CFAP53: variants seen among roughly 807,000 people sequenced by gnomAD.
CFAP53 encodes the protein cilia and flagella associated protein 53, also known as cilia- and flagella-associated protein 53.
In CFAP53, 62 loss-of-function variants were observed where a neutral mutation model predicts 59.7. The ratio of observed to expected loss-of-function variants is 1.04; its 90% CI spans 0.85 to 1.28. The LOEUF (loss-of-function observed/expected upper bound fraction) is 1.28, where lower values mean the gene tolerates loss of function less well. Among genes scored for constraint, CFAP53 ranks in the 50% most tolerant of loss-of-function variants. The pLI is 0.00. For synonymous variants in CFAP53, 218 were observed against 205.7 expected, an observed-to-expected ratio of 1.06 and a Z score of -0.51; for missense variants, 629 against 615.6, an observed-to-expected ratio of 1.02 and a Z score of -0.23.
At chr18:50,242,769 C>T in intron 6 of CFAP53, 131 bp downstream of exon 6, 3 of 732,460 alleles carry the variant, frequency 4.1e-6, no homozygotes, top group South Asian at 1.7e-5. Flanking sequence ...CAATAACAGG[C>T]CTCCTGCCTT....
chr18:50,244,582 C>T (rs1339230934), intron 5 of CFAP53, among the ~76,000 whole-genome samples: 1 of 152,136 alleles, frequency 6.6e-6, no homozygotes, highest in Non-Finnish European at 1.5e-5. Flanking sequence ...CAATATAAGA[C>T]TGGAGCAGAA....
At chr18:50,230,256 G>T (rs1417588206) in intron 7 of CFAP53, among the ~76,000 whole-genome samples, 1 of 152,174 alleles carries the variant, frequency 6.6e-6, no homozygotes, top group Admixed American at 6.5e-5. Context: ...TTAGGGTAGG[G>T]CCCCTGGGTG....
intron 2 of CFAP53, among the ~76,000 whole-genome samples, 192 bp downstream of exon 2, chr18:50,261,798 C>A (rs1474087840): frequency 1.3e-5 from 2 of 151,856 alleles, no homozygotes; most frequent in Non-Finnish European, 2.9e-5. Context: ...AAATATGAAA[C>A]AATATATTGT....
chr18:50,249,205 A>C (rs2033774706), intron 5 of CFAP53, among the ~76,000 whole-genome samples: 1 of 18,314 alleles, frequency 5.5e-5, no homozygotes, highest in Non-Finnish European at 1.6e-4. Context: ...TTCTATCTCA[A>C]AAAAAAAAAA....
chr18:50,239,629 GTGTT>G, intron 6 of CFAP53, among the ~76,000 whole-genome samples: 1 of 152,288 alleles, frequency 6.6e-6, no homozygotes, highest in Non-Finnish European at 1.5e-5. Context: ...AGTCATTGCT[GTGTT>G]TAAGTAAAAT....
Position 50,262,156 on chromosome 18 carries a change from G to A in CFAP53, c.133C>T (p.Gln45Ter). ...HHLERIRRSH[Q>*]KHNAILASIK... The stretch of plus-strand genomic sequence containing the variant: ...GAAGCCAAAATAGCATTATGCTTCT[G>A]ATGGCTGCGTCGGATTCTTTCTAGA... The change falls in exon 2 of 8, where the codon CAG (glutamine) becomes TAG (stop). Residue 45 changes from glutamine (Q) to a stop codon, truncating the protein, a stop_gained. Transcript: ENST00000398545. LOFTEE classifies it high-confidence loss of function. The A allele has an allele frequency of 6.2e-7, 1 of 1,614,220 alleles. No individual in the cohort carries two copies. Among genetic ancestry groups the A allele is most frequent in the Non-Finnish European group, 8.5e-7 (1 of 1,180,038 alleles).
chr18:50,242,614 G>A (rs1168377388), intron 6 of CFAP53, among the ~76,000 whole-genome samples: 1 of 152,204 alleles, frequency 6.6e-6, no homozygotes, highest in Non-Finnish European at 1.5e-5. Flanking sequence ...CTGTATGTCT[G>A]TGCCCCACCT....
chr18:50,255,461 T>C (rs1314305276), intron 3 of CFAP53, among the ~76,000 whole-genome samples: 2 of 152,144 alleles, frequency 1.3e-5, no homozygotes, highest in African/African-American at 2.4e-5. Flanking sequence ...AATATTGTAT[T>C]ACAATTATGT....
intron 6 of CFAP53, among the ~76,000 whole-genome samples, chr18:50,242,252 C>T (rs182954184): frequency 2.2e-3 from 334 of 152,218 alleles, no homozygotes; most frequent in Admixed American, 3.6e-3. Flanking sequence ...TTACAGTTAA[C>T]GCAATCATCA....
chr18:50,264,041 T>A lies in CFAP53; in HGVS notation c.70-1822A>T, dbSNP rs145820997. On this transcript the variant is annotated intron_variant, in intron 1 of 7. Transcript: ENST00000398545. ...GCAAAACAGATATGTAATTCTAAAT[T>A]TTCAAGTGGCTGCATTTAAAAAAGT... Among the ~76,000 whole-genome samples the A allele has an allele frequency of 4.7e-3, 718 of 152,342 alleles. 3 individuals are homozygous for A. The highest frequency in any genetic ancestry group is 8.2e-3 in the Non-Finnish European group (556 of 68,032).
chr18:50,238,022 G>A (rs182065558), intron 7 of CFAP53, among the ~76,000 whole-genome samples: 79 of 152,182 alleles, frequency 5.2e-4, no homozygotes, highest in African/African-American at 1.8e-3. Flanking sequence ...TTTTTTAAGT[G>A]TTTCAAATTT....
chr18:50,236,928 A>G (rs577679395), intron 7 of CFAP53, among the ~76,000 whole-genome samples: 9 of 151,998 alleles, frequency 5.9e-5, no homozygotes, highest in Non-Finnish European at 1.2e-4. Context: ...TTTCTTCCTT[A>G]TCTCTCCACC....
intron 5 of CFAP53, among the ~76,000 whole-genome samples, chr18:50,249,203 CAAA>C (rs34676585): frequency 0.024 from 2,561 of 105,106 alleles, 55 homozygotes; most frequent in East Asian, 0.086. Context: ...AATTCTATCT[CAAA>C]AAAAAAAAAA....
At chr18:50,252,138 C>T (rs961438454) in intron 3 of CFAP53, among the ~76,000 whole-genome samples, 10 of 151,454 alleles carry the variant, frequency 6.6e-5, no homozygotes, top group Non-Finnish European at 1.5e-5. Flanking sequence ...GAGTCTCGCT[C>T]TGTTGCCCAG....
intron 1 of CFAP53, among the ~76,000 whole-genome samples, chr18:50,264,927 T>C (rs1198654854): frequency 6.6e-6 from 1 of 152,222 alleles, no homozygotes; most frequent in Non-Finnish European, 1.5e-5. Flanking sequence ...CCTACTTATG[T>C]GTCCCATCTA....
Position 50,266,451 on chromosome 18 carries a change from C to A in CFAP53, c.-47G>T, listed in dbSNP as rs775343947. On this transcript the variant is annotated 5_prime_UTR_variant, in exon 1 of 8. Transcript: ENST00000398545. The stretch of plus-strand genomic sequence containing the variant: ...GGGGCGGCGTCCGCCGCGTTTCCCC[C>A]AACCGTGGCGACCTGCGGGACCCGC... The A allele has an allele frequency of 6.3e-7, 1 of 1,594,468 alleles. No homozygotes were observed. Among genetic ancestry groups the A allele is most frequent in the South Asian group, 1.1e-5 (1 of 90,714 alleles).
chr18:50,231,250 T>A (rs2033580707), intron 7 of CFAP53, among the ~76,000 whole-genome samples: 1 of 152,242 alleles, frequency 6.6e-6, no homozygotes, highest in Non-Finnish European at 1.5e-5. Context: ...TGGCTGCCCA[T>A]TGCTTTCTTG....
chr18:50,250,142 C>T (rs921617690), intron 5 of CFAP53, among the ~76,000 whole-genome samples: 6 of 151,092 alleles, frequency 4.0e-5, no homozygotes, highest in African/African-American at 9.7e-5. Flanking sequence ...TTGCTTGAGC[C>T]CAGGAGGGCG....
At chr18:50,249,358 A>G (rs1004876651) in intron 5 of CFAP53, among the ~76,000 whole-genome samples, 27 of 151,950 alleles carry the variant, frequency 1.8e-4, no homozygotes, top group Non-Finnish European at 3.4e-4. Context: ...TCTCTACAAA[A>G]AATAAGAAAA....
Sources: gnomAD v4.1 joint callset for allele counts (sites outside exome capture counted in the v4.1 genomes callset) on GRCh38, gnomAD v4.1.1 for gene constraint, MANE v1.5 for transcripts, NCBI Gene and HGNC (gene_info 2026-07-23, HGNC 2026-07-21) for gene names.